Variants in SORBS2 observed in about 807,000 individuals in gnomAD.
SORBS2 encodes the protein sorbin and SH3 domain-containing protein 2.
In SORBS2, 46 loss-of-function variants were observed where a neutral mutation model predicts 97.7. The observed-to-expected ratio is 0.47, with a 90% confidence interval of 0.37 to 0.60. The LOEUF (loss-of-function observed/expected upper bound fraction) is 0.60. Among genes scored for constraint, SORBS2 ranks in the 20% least tolerant of loss-of-function variants. The pLI, the probability that SORBS2 is intolerant of heterozygous loss-of-function variation, is 0.00. For missense variants in SORBS2, 1,316 were observed against 1,282.3 expected, an observed-to-expected ratio of 1.03 and a Z score of -0.40; for synonymous variants, 476 against 473.4, an observed-to-expected ratio of 1.01 and a Z score of -0.07.
intron 6 of SORBS2, among the ~76,000 whole-genome samples, 172 bp from the exon 19 acceptor site, chr4:185,624,666 G>A (rs1451742804): frequency 1.3e-5 from 2 of 152,230 alleles, no homozygotes; most frequent in African/African-American, 4.8e-5. Flanking sequence ...CTCTAGAGAA[G>A]AAGGTCTAAT....
rs76709578 is a variant in SORBS2 at position 185,622,827 on chromosome 4, G to T, written c.2215+87C>A. The T allele has an allele frequency of 8.4e-3, 11,353 of 1,352,422 alleles. 779 individuals carry two copies. The African/African-American group carries it at 0.14, about 17-fold the overall frequency. The allele number at this position is 1,352,422 out of a possible 1,614,324, so 83.8% of individuals were successfully genotyped here. A position where few individuals can be genotyped will look rare whatever the true frequency, so the allele number is the denominator to read the frequency against. On this transcript the variant is annotated intron_variant, in intron 7 of 14. Transcript: ENST00000418609. ...CGACGCCAAATGGTCTCCCAGCTCG[G>T]GAGTGATGAGATGTTGGAATGGAAA...
chr4:185,928,589 A>AG (rs2099264876), intron 1 of SORBS2, among the ~76,000 whole-genome samples: 2 of 152,006 alleles, frequency 1.3e-5, no homozygotes, highest in South Asian at 4.2e-4. Context: ...TCTGTTGCCC[A>AG]GGCTGGAGTG....
At chr4:185,656,602 C>T (rs1249509742) in intron 1 of SORBS2, 5 of 1,535,778 alleles carry the variant, frequency 3.3e-6, no homozygotes, top group African/African-American at 1.4e-5. Flanking sequence ...CCCCGCATGG[C>T]CCCCAACTTC....
At chr4:185,897,433 C>A (rs2099245577) in intron 1 of SORBS2, among the ~76,000 whole-genome samples, 1 of 152,234 alleles carries the variant, frequency 6.6e-6, no homozygotes, top group South Asian at 2.1e-4. Context: ...TATGCCTACA[C>A]AGCTGCCCAT....
chr4:185,868,044 A>G (rs1057090572), intron 1 of SORBS2, among the ~76,000 whole-genome samples: 7 of 152,238 alleles, frequency 4.6e-5, no homozygotes, highest in South Asian at 2.1e-4. Flanking sequence ...TTCAGCCTCC[A>G]TAAAAGACAA....
intron 1 of SORBS2, among the ~76,000 whole-genome samples, chr4:185,785,829 A>G (rs1012830184): frequency 2.6e-5 from 4 of 152,190 alleles, no homozygotes. Flanking sequence ...ACTTCCTCGA[A>G]TTAGCTCCCT....
intron 2 of SORBS2, among the ~76,000 whole-genome samples, chr4:185,756,351 C>T (rs986111329): frequency 4.0e-5 from 6 of 151,812 alleles, no homozygotes; most frequent in Admixed American, 6.6e-5. Flanking sequence ...TTTTTAATTA[C>T]ATTTTCCAAA....
intron 1 of SORBS2, among the ~76,000 whole-genome samples, chr4:185,950,199 C>T (rs1205886709): frequency 6.6e-6 from 1 of 151,760 alleles, no homozygotes; most frequent in African/African-American, 2.4e-5. Flanking sequence ...TTGCAGCGAG[C>T]CGAGATTGTG....
Position 185,943,408 on chromosome 4 carries a change from G to A in SORBS2, c.-338+12788C>T, listed in dbSNP as rs1190254281. On this transcript the variant is annotated intron_variant, in intron 1 of 20. Transcript: ENST00000284776. ...GTCATGAAATTGTGTGCCTCCAGATGTGATGGCATAGAAACATCATCTACG... is the reference window on the plus strand; with the variant it reads ...GTCATGAAATTGTGTGCCTCCAGATATGATGGCATAGAAACATCATCTACG... Among the ~76,000 whole-genome samples, 6 of 152,220 alleles carry A rather than the reference G, an allele frequency of 3.9e-5. No individual in the cohort carries two copies. In the East Asian group the frequency reaches 9.6e-4, roughly 24 times the overall value.
At chr4:185,755,806 G>T (rs1480583117) in intron 2 of SORBS2, among the ~76,000 whole-genome samples, 1 of 152,056 alleles carries the variant, frequency 6.6e-6, no homozygotes, top group African/African-American at 2.4e-5. Flanking sequence ...GAAAGGAAAT[G>T]TCTTTACATT....
chr4:185,603,675 G>A (rs2096330534), intron 12 of SORBS2, among the ~76,000 whole-genome samples: 1 of 152,144 alleles, frequency 6.6e-6, no homozygotes, highest in African/African-American at 2.4e-5. Flanking sequence ...AATGTTTTAG[G>A]ATCATTCTGA....
intron 2 of SORBS2, among the ~76,000 whole-genome samples, chr4:185,712,368 C>G (rs2153548196): frequency 6.6e-6 from 1 of 152,288 alleles, no homozygotes; most frequent in African/African-American, 2.4e-5. Context: ...CCCTGTTCAG[C>G]TCCCCTTCCC....
At chr4:185,595,575 A>G (rs1044263773) in intron 12 of SORBS2, among the ~76,000 whole-genome samples, 3 of 152,168 alleles carry the variant, frequency 2.0e-5, no homozygotes, top group Admixed American at 2.0e-4. Context: ...ACTTTCATGC[A>G]GAAGTAAGAT....
intron 8 of SORBS2, among the ~76,000 whole-genome samples, chr4:185,619,718 G>A (rs570022757): frequency 5.9e-5 from 9 of 152,250 alleles, no homozygotes; most frequent in Admixed American, 2.0e-4. Flanking sequence ...CTGGACCAGC[G>A]GGCCAAGAAA....
intron 2 of SORBS2, among the ~76,000 whole-genome samples, chr4:185,767,268 G>A (rs2098939566): frequency 6.6e-6 from 1 of 151,662 alleles, no homozygotes; most frequent in Non-Finnish European, 1.5e-5. Flanking sequence ...GGAGGCCGAG[G>A]CGGGCGGATC....
chr4:185,808,631 T>C (rs1471795517), intron 1 of SORBS2, among the ~76,000 whole-genome samples: 1 of 152,212 alleles, frequency 6.6e-6, no homozygotes, highest in Non-Finnish European at 1.5e-5. Flanking sequence ...GTAACATAAC[T>C]AGTGTAACGT....
At chr4:185,918,920 A>G (rs1257239916) in intron 1 of SORBS2, among the ~76,000 whole-genome samples, 1 of 152,194 alleles carries the variant, frequency 6.6e-6, no homozygotes, top group Non-Finnish European at 1.5e-5. Flanking sequence ...TATAATATAT[A>G]CATGTAACTG....
chr4:185,672,240 C>G (rs1315579664), intron 4 of SORBS2, among the ~76,000 whole-genome samples: 1 of 152,230 alleles, frequency 6.6e-6, no homozygotes, highest in African/African-American at 2.4e-5. Context: ...TTTCCTCTCC[C>G]TTCTACATGA....
chr4:185,824,607 A>G (rs2099198753), intron 1 of SORBS2, among the ~76,000 whole-genome samples: 1 of 152,192 alleles, frequency 6.6e-6, no homozygotes, highest in Non-Finnish European at 1.5e-5. Flanking sequence ...GGACAACTCA[A>G]CTGAACTCAA....
Sources: gnomAD v4.1 joint callset for allele counts (sites outside exome capture counted in the v4.1 genomes callset) on GRCh38, gnomAD v4.1.1 for gene constraint, MANE v1.5 for transcripts, NCBI Gene and HGNC (gene_info 2026-07-23, HGNC 2026-07-21) for gene names.